The following DIP2B variants were observed in gnomAD, a reference collection of about 807,000 sequenced individuals.
The protein encoded by DIP2B is DIP2 acetate--CoA ligase B (putative).
A neutral mutation model predicts 198.0 loss-of-function variants in DIP2B; 76 were observed. The observed-to-expected ratio is 0.38, with a 90% CI of 0.32 to 0.46. The LOEUF is 0.46. DIP2B is among the 20% of genes least tolerant of loss of function. DIP2B has a pLI of 0.99. For missense variants in DIP2B, 1,559 were observed against 1,978.4 expected (o/e 0.79, Z 4.02); for synonymous variants, 701 against 739.1 (o/e 0.95, Z 0.84).
intron 4 of DIP2B, among the ~76,000 whole-genome samples, chr12:50,665,553 G>C (rs1360250951): frequency 6.6e-6 from 1 of 152,034 alleles, no homozygotes; most frequent in African/African-American, 2.4e-5. Context: ...GACCAGCCTG[G>C]GCAACATAGC....
Position 50,748,384 on chromosome 12 carries a change from G to A in DIP2B, c.*3545G>A, listed in dbSNP as rs1025983076. On this transcript the variant is annotated 3_prime_UTR_variant, in exon 38 of 38. Coordinates refer to ENST00000301180, the MANE Select transcript of DIP2B (RefSeq NM_173602.3). ...TTCATACGACATTTCTGGTTTAGGT[G>A]TATGTAGTTGGGCCATGTTACTTGT... 4 of 152,628 alleles carry A rather than the reference G, an allele frequency of 2.6e-5. No individual in the cohort carries two copies. Among genetic ancestry groups the A allele is most frequent in the Admixed American group, 6.5e-5 (1 of 15,282 alleles). 9.5% of individuals were successfully genotyped at this position (152,628 alleles called of 1,614,324 possible).
chr12:50,652,013 C>CT (rs1342559445), intron 3 of DIP2B, among the ~76,000 whole-genome samples: 2 of 152,006 alleles, frequency 1.3e-5, no homozygotes, highest in African/African-American at 4.8e-5. Context: ...AACCGTGTCT[C>CT]TACTAAAAAT....
rs1228923746 is a variant in DIP2B, at chr12:50,693,021, A to T, written c.1719+8A>T. The T allele has an allele frequency of 6.2e-7, 1 of 1,609,392 alleles. No individual in the cohort carries two copies. The highest frequency in any genetic ancestry group is 8.5e-7 in the Non-Finnish European group (1 of 1,178,820). ...TGGCACGGCATGTTTGCGGTAAGCT[A>T]CTCAGATTTAAGGCCCTTAGTGTAA... On this transcript the variant is annotated splice_region_variant and intron_variant, in intron 14 of 37. Coordinates refer to ENST00000301180, the MANE Select transcript of DIP2B (RefSeq NM_173602.3).
chr12:50,588,023 A>G (rs1461207876), intron 1 of DIP2B, among the ~76,000 whole-genome samples: 1 of 152,236 alleles, frequency 6.6e-6, no homozygotes, highest in African/African-American at 2.4e-5. Context: ...TACAATACCA[A>G]TGGGTGAAAG....
Position 50,724,940 on chromosome 12 carries a change from A to G in DIP2B, c.3400+54A>G, listed in dbSNP as rs536426501. 2.7e-4 allele frequency: 419 copies of G among 1,542,322 alleles called. 4 individuals carry two copies. In the South Asian group the frequency reaches 4.6e-3, roughly 17 times the overall value. ...AGGGACTGAGAGCTCACAATACCTG[A>G]GATCTCCTCCATTCTCATGCCAGAC... On this transcript the variant is annotated intron_variant, in intron 28 of 37. Coordinates refer to ENST00000301180, the MANE Select transcript of DIP2B (RefSeq NM_173602.3).
chr12:50,739,726 T>A, intron 36 of DIP2B, 140 bp downstream of exon 36: 1 of 1,087,470 alleles, frequency 9.2e-7, no homozygotes, highest in Non-Finnish European at 1.3e-6. Context: ...AGTGACTCTC[T>A]CTTCATTTGG....
At chr12:50,665,775 G>GA (rs202230326) in intron 4 of DIP2B, among the ~76,000 whole-genome samples, 1,729 of 107,146 alleles carry the variant, frequency 0.016, 22 homozygotes, top group African/African-American at 0.043. Flanking sequence ...AACCTCAACT[G>GA]AAAAAAAAAA....
At chr12:50,634,933 A>T (rs773064943) in intron 2 of DIP2B, among the ~76,000 whole-genome samples, 19 of 152,256 alleles carry the variant, frequency 1.2e-4, no homozygotes, top group Non-Finnish European at 2.5e-4. Context: ...TCTACACATT[A>T]TAGAGTGGTC....
intron 1 of DIP2B, among the ~76,000 whole-genome samples, chr12:50,623,429 ACACACACACTCTCT>A (rs773829751): frequency 3.0e-3 from 150 of 49,370 alleles, no homozygotes; most frequent in South Asian, 6.1e-3. Flanking sequence ...ACACACACAC[ACACACACACTCTCT>A]CTCTCTCTCT....
At chr12:50,594,142 C>T (rs1002291985) in intron 1 of DIP2B, among the ~76,000 whole-genome samples, 1 of 150,860 alleles carries the variant, frequency 6.6e-6, no homozygotes, top group Non-Finnish European at 1.5e-5. Context: ...TGGGATTTCA[C>T]CCTGTTGGCT....
chr12:50,696,887 C>A (rs1565874187), intron 16 of DIP2B, among the ~76,000 whole-genome samples, 174 bp from the exon 17 acceptor site: 1 of 152,120 alleles, frequency 6.6e-6, no homozygotes, highest in Admixed American at 6.5e-5. Context: ...TTAATTTGTC[C>A]TTGAAATATA....
At chr12:50,596,756 A>G (rs947215623) in intron 1 of DIP2B, among the ~76,000 whole-genome samples, 2 of 152,140 alleles carry the variant, frequency 1.3e-5, no homozygotes, top group Non-Finnish European at 2.9e-5. Context: ...AAATAAATAA[A>G]CAGATGAAAA....
chr12:50,584,709 G>A (rs1341033816), intron 1 of DIP2B, among the ~76,000 whole-genome samples: 1 of 152,086 alleles, frequency 6.6e-6, no homozygotes, highest in African/African-American at 2.4e-5. Flanking sequence ...GATTACAGAT[G>A]TGTGCCGCCA....
chr12:50,668,512 C>T (rs1468719962), intron 4 of DIP2B, among the ~76,000 whole-genome samples: 2 of 152,086 alleles, frequency 1.3e-5, no homozygotes, highest in Admixed American at 1.3e-4. Flanking sequence ...TGAATTGAAA[C>T]AATACACCTA....
At chr12:50,554,913 G>A (rs113330015) in intron 1 of DIP2B, among the ~76,000 whole-genome samples, 1 of 151,926 alleles carries the variant, frequency 6.6e-6, no homozygotes, top group Admixed American at 6.6e-5. Context: ...AACTAAAGGC[G>A]CGCGCCACCA....
At chr12:50,596,587 C>G (rs993091649) in intron 1 of DIP2B, among the ~76,000 whole-genome samples, 1 of 152,114 alleles carries the variant, frequency 6.6e-6, no homozygotes, top group African/African-American at 2.4e-5. Flanking sequence ...AATTCATGGC[C>G]AGGTGCCGTC....
chr12:50,645,882 T>C (rs1212373117), intron 3 of DIP2B, among the ~76,000 whole-genome samples: 3 of 152,066 alleles, frequency 2.0e-5, no homozygotes, highest in Non-Finnish European at 4.4e-5. Flanking sequence ...TATAAACATA[T>C]GCTACTATGT....
rs1467360362 is a variant in DIP2B at position 50,678,673 on chromosome 12, G to A, written c.917-6G>A. 6.2e-7 allele frequency: 1 copy of A among 1,613,006 alleles called. No homozygotes were observed. Among genetic ancestry groups the A allele is most frequent in the South Asian group, 1.1e-5 (1 of 90,972 alleles). On this transcript the variant is annotated splice_polypyrimidine_tract_variant and splice_region_variant and intron_variant, in intron 7 of 37. Transcript: ENST00000301180. ...CATTTCACTCATTGGGATTTTCCTGGTACAGTACCTCAGCCAGACCCCAAC... is the reference window on the plus strand; with the variant it reads ...CATTTCACTCATTGGGATTTTCCTGATACAGTACCTCAGCCAGACCCCAAC...
At chr12:50,679,906 C>CCTATGT (rs1939008754) in intron 8 of DIP2B, 2 of 152,134 alleles carry the variant, frequency 1.3e-5, no homozygotes, top group African/African-American at 4.8e-5. Flanking sequence ...TCTGATACCA[C>CCTATGT]CTATGTAAGT....
Sources: allele counts gnomAD v4.1 joint callset (sites outside exome capture counted in the v4.1 genomes callset), GRCh38; gene constraint gnomAD v4.1.1; transcripts MANE v1.5; gene names NCBI Gene and HGNC (gene_info 2026-07-23, HGNC 2026-07-21).